SUMF1: variants seen among roughly 807,000 people sequenced by gnomAD.
SUMF1 encodes sulfatase modifying factor 1, also known as formylglycine-generating enzyme.
SUMF1 carries 48 observed loss-of-function variants against 47.6 expected under a neutral mutation model. The observed-to-expected ratio is 1.01, with a 90% CI of 0.80 to 1.28. The LOEUF is 1.28. Ranked by LOEUF, SUMF1 falls within the 50% of genes most tolerant of loss-of-function variation. The pLI is 0.00. For synonymous variants in SUMF1, 230 were observed against 192.1 expected, an observed-to-expected ratio of 1.20 and a Z score of -1.63; for missense variants, 571 against 485.4, an observed-to-expected ratio of 1.18 and a Z score of -1.66.
At chr3:4,196,447 C>T (rs570739166) in intron 8 of SUMF1, among the ~76,000 whole-genome samples, 13 of 152,190 alleles carry the variant, frequency 8.5e-5, no homozygotes, top group African/African-American at 2.9e-4. Flanking sequence ...CTGCAATTTT[C>T]TGGAAGGAGT....
intron 8 of SUMF1, among the ~76,000 whole-genome samples, chr3:4,200,206 T>C (rs552254196): frequency 1.4e-5 from 2 of 147,384 alleles, no homozygotes; most frequent in South Asian, 4.3e-4. Flanking sequence ...GTATGGCTAC[T>C]GTGATGGTTA....
intron 7 of SUMF1, among the ~76,000 whole-genome samples, chr3:4,393,322 C>G (rs1700936626): frequency 6.6e-6 from 1 of 152,050 alleles, no homozygotes; most frequent in Admixed American, 6.6e-5. Flanking sequence ...CAGTCCTGAA[C>G]TGACAGTTAC....
intron 8 of SUMF1, among the ~76,000 whole-genome samples, chr3:4,368,348 A>G (rs148417761): frequency 5.1e-4 from 77 of 152,338 alleles, no homozygotes; most frequent in African/African-American, 1.8e-3. Context: ...CAGGTGCTGG[A>G]GAGGATGTGG....
At chr3:4,461,333 AAAG>A (rs1448507772) in intron 1 of SUMF1, among the ~76,000 whole-genome samples, 1 of 152,214 alleles carries the variant, frequency 6.6e-6, no homozygotes, top group Non-Finnish European at 1.5e-5. Context: ...GCAGCTCTAC[AAAG>A]AAGTAGAAAA....
chr3:4,168,373 G>A (rs138972712), intron 8 of SUMF1, among the ~76,000 whole-genome samples: 1 of 152,268 alleles, frequency 6.6e-6, no homozygotes, highest in African/African-American at 2.4e-5. Context: ...AAACTCTTTA[G>A]CCTTGAGTTC....
At chr3:4,360,254 T>C (rs1300488041), downstream of SUMF1, among the ~76,000 whole-genome samples, 1 of 144,558 alleles carries the variant, frequency 6.9e-6, no homozygotes, top group African/African-American at 2.7e-5. Context: ...AGGTGGAAGT[T>C]TGTAGAGAAA....
intron 8 of SUMF1, among the ~76,000 whole-genome samples, chr3:4,220,384 A>G (rs1047435576): frequency 6.6e-6 from 1 of 152,100 alleles, no homozygotes; most frequent in Non-Finnish European, 1.5e-5. Context: ...AAGCATTTCA[A>G]ATTCCTTTCT....
At chr3:4,385,091 A>G (rs1436643907) in intron 7 of SUMF1, among the ~76,000 whole-genome samples, 1 of 151,992 alleles carries the variant, frequency 6.6e-6, no homozygotes, top group Non-Finnish European at 1.5e-5. Flanking sequence ...TCACCATGTT[A>G]GCCAGGCTGG....
chr3:4,415,425 G>A lies in SUMF1; in HGVS notation c.840+1703C>T, dbSNP rs142369089. On this transcript the variant is annotated intron_variant, in intron 6 of 8. Coordinates refer to ENST00000272902, the MANE Select transcript of SUMF1 (RefSeq NM_182760.4). ...AAGGAAAACATGCCCCAAGTGTTCT[G>A]GAAAATAATTCAACCATATATCTGA... Among the ~76,000 whole-genome samples, 153 of 151,904 alleles carry A rather than the reference G, an allele frequency of 1.0e-3. 4 individuals are homozygous for A. In the East Asian group the frequency reaches 0.021, roughly 21 times the overall value.
In SUMF1 at chr3:4,318,020, C is replaced by T. The variant is rs973149184; in HGVS notation, c.1014+58310G>A. Among the ~76,000 whole-genome samples, 5 of 152,156 alleles carry T rather than the reference C, an allele frequency of 3.3e-5. No individual in the cohort carries two copies. In the East Asian group the frequency reaches 9.7e-4, roughly 29 times the overall value. ...TAGAGCTGAGCAAGAGAGGTTCCTG[C>T]CCTGAGCCCTGCATTTTAGAGTGCC... On this transcript the variant is annotated intron_variant and NMD_transcript_variant, in intron 8 of 12. Transcript: ENST00000448413.
chr3:4,053,671 A>G (rs920081956), intron 9 of SUMF1, among the ~76,000 whole-genome samples: 1 of 152,156 alleles, frequency 6.6e-6, no homozygotes, highest in African/African-American at 2.4e-5. Flanking sequence ...TGGCCTTTGA[A>G]ATCAGGGAGA....
chr3:4,224,896 C>CT (rs1489110970), intron 8 of SUMF1, among the ~76,000 whole-genome samples: 2 of 152,114 alleles, frequency 1.3e-5, no homozygotes, highest in East Asian at 3.9e-4. Flanking sequence ...CTACAGTTCT[C>CT]TCCTTAATTC....
intron 8 of SUMF1, among the ~76,000 whole-genome samples, chr3:4,286,917 A>G (rs556487735): frequency 3.3e-5 from 5 of 152,172 alleles, no homozygotes; most frequent in Admixed American, 1.3e-4. Flanking sequence ...GTTATTGTAA[A>G]ACCATCTATT....
chr3:4,294,486 G>A (rs916258360), intron 8 of SUMF1, among the ~76,000 whole-genome samples: 6 of 152,218 alleles, frequency 3.9e-5, no homozygotes, highest in Admixed American at 3.9e-4. Context: ...ATTTCTTTAG[G>A]CTGAGAGATC....
At chr3:4,148,179 C>T (rs1694238934) in intron 8 of SUMF1, among the ~76,000 whole-genome samples, 2 of 152,082 alleles carry the variant, frequency 1.3e-5, no homozygotes, top group African/African-American at 2.4e-5. Context: ...TTAAATTTCA[C>T]CCTAGCTAAT....
At chr3:4,427,077 C>T (rs1012797352) in intron 3 of SUMF1, among the ~76,000 whole-genome samples, 1 of 152,198 alleles carries the variant, frequency 6.6e-6, no homozygotes, top group Admixed American at 6.5e-5. Context: ...AGCAAAGGTG[C>T]CTTTATTCTT....
chr3:4,078,507 A>ATGAATAATGCAAT (rs1692489076), intron 8 of SUMF1, among the ~76,000 whole-genome samples: 1 of 152,190 alleles, frequency 6.6e-6, no homozygotes, highest in Non-Finnish European at 1.5e-5. Flanking sequence ...CTCTAAAAAA[A>ATGAATAATGCAAT]TGAATAATGC....
At chr3:4,217,112 C>A (rs957879444) in intron 8 of SUMF1, among the ~76,000 whole-genome samples, 1 of 152,092 alleles carries the variant, frequency 6.6e-6, no homozygotes, top group Non-Finnish European at 1.5e-5. Context: ...TTGGAACCAA[C>A]CCAAATGCCC....
chr3:4,096,444 C>T (rs1206842545), intron 8 of SUMF1, among the ~76,000 whole-genome samples: 1 of 152,092 alleles, frequency 6.6e-6, no homozygotes, highest in Admixed American at 6.6e-5. Flanking sequence ...CTTCACCCAG[C>T]CAAAGAGTGA....
Sources: allele counts gnomAD v4.1 joint callset (sites outside exome capture counted in the v4.1 genomes callset), GRCh38; gene constraint gnomAD v4.1.1; transcripts MANE v1.5; gene names NCBI Gene and HGNC (gene_info 2026-07-23, HGNC 2026-07-21).